The following SGSM3 variants were observed in gnomAD, a reference collection of about 807,000 sequenced individuals.
The protein encoded by SGSM3 is RUN and SH3 containing 3.
A neutral mutation model predicts 100.5 loss-of-function variants in SGSM3; 96 were observed. That is an observed-to-expected ratio of 0.96 (90% CI 0.81 to 1.13). SGSM3 has a LOEUF of 1.13. Ranked by LOEUF, SGSM3 falls within the 50% of genes most tolerant of loss-of-function variation. The pLI is 0.00. For missense variants in SGSM3, 1,001 were observed against 1,015.8 expected (o/e 0.99, Z 0.20); for synonymous variants, 483 against 422.8 (o/e 1.14, Z -1.75).
chr22:40,372,019 T>C (rs2146707935), intron 1 of SGSM3, among the ~76,000 whole-genome samples: 1 of 151,680 alleles, frequency 6.6e-6, no homozygotes, highest in African/African-American at 2.4e-5. Flanking sequence ...TGTAATTCTA[T>C]AGATATCTTT....
chr22:40,384,847 G>A (rs2048179538), intron 1 of SGSM3, among the ~76,000 whole-genome samples: 4 of 152,212 alleles, frequency 2.6e-5, no homozygotes, highest in Non-Finnish European at 4.4e-5. Flanking sequence ...CCAACAATAA[G>A]TTGGAAATAA....
At chr22:40,389,830 GGAGGCGGAAGTTGCAGT>G (rs1409896983) in intron 1 of SGSM3, among the ~76,000 whole-genome samples, 1 of 151,024 alleles carries the variant, frequency 6.6e-6, no homozygotes, top group Non-Finnish European at 1.5e-5. Context: ...CCTGAACCTG[GGAGGCGGAAGTTGCAGT>G]GAGCCAGGAT....
chr22:40,409,480 T>G lies in SGSM3; in HGVS notation c.2127T>G (p.Phe709Leu). The G allele has an allele frequency of 1.3e-6, 2 of 1,582,534 alleles. No homozygotes were observed. The highest frequency in any genetic ancestry group is 1.7e-6 in the Non-Finnish European group (2 of 1,164,458). The change falls in exon 21 of 22, where the codon TTT (phenylalanine) becomes TTG (leucine). Residue 709 changes from phenylalanine to leucine, a missense_variant. Phe to Leu is a conservative substitution (Grantham distance 22). Coordinates refer to ENST00000248929, the MANE Select transcript of SGSM3 (RefSeq NM_015705.6). Reference sequence around the variant, plus strand: ...TCACCTCTAGAGTCCTCTGCTGCTTTGCCTTCAGCCTCTCCCAGGACTGGG... The same window carrying G: ...TCACCTCTAGAGTCCTCTGCTGCTTGGCCTTCAGCCTCTCCCAGGACTGGG... ...IKCELRVLCC[F>L]AFSLSQDWEL...
At chr22:40,397,865 A>G (rs1286054349) in intron 1 of SGSM3, among the ~76,000 whole-genome samples, 1 of 151,980 alleles carries the variant, frequency 6.6e-6, no homozygotes, top group Non-Finnish European at 1.5e-5. Context: ...AACACTTGAT[A>G]TAAATCCCCT....
At chr22:40,392,164 ACAAT>A (rs777143170) in intron 1 of SGSM3, among the ~76,000 whole-genome samples, 6 of 152,162 alleles carry the variant, frequency 3.9e-5, no homozygotes, top group Admixed American at 6.5e-5. Context: ...CGCCTTAAAA[ACAAT>A]CAACCAAAAC....
At chr22:40,385,071 T>C (rs1466760095) in intron 1 of SGSM3, among the ~76,000 whole-genome samples, 2 of 152,204 alleles carry the variant, frequency 1.3e-5, no homozygotes, top group Non-Finnish European at 2.9e-5. Context: ...CAATATGGTC[T>C]GTGCCCTCAG....
Position 40,406,326 on chromosome 22 carries a change from T to C in SGSM3, c.960+103T>C, listed in dbSNP as rs892245014. The C allele has an allele frequency of 6.5e-6, 10 of 1,532,992 alleles. No individual in the cohort carries two copies. The East Asian group carries it at 2.1e-4, about 32-fold the overall frequency. The allele number at this position is 1,532,992 out of a possible 1,614,324, so 95.0% of individuals were successfully genotyped here. A position where few individuals can be genotyped will look rare whatever the true frequency, so the allele number is the denominator to read the frequency against. On this transcript the variant is annotated intron_variant, in intron 9 of 21. Transcript: ENST00000248929. ...CAGGCAAGACCAGCCCCCTGGCCCC[T>C]GACAACTGTGCCAAGGCAAACGGGT...
intron 1 of SGSM3, among the ~76,000 whole-genome samples, chr22:40,374,687 G>A (rs546690248): frequency 1.3e-5 from 2 of 152,308 alleles, no homozygotes; most frequent in Admixed American, 1.3e-4. Flanking sequence ...TTCAAGACTG[G>A]TCTGGGCAAC....
At chr22:40,405,602 T>C in intron 7 of SGSM3, 47 bp from the exon 8 acceptor site, 1 of 1,553,834 alleles carries the variant, frequency 6.4e-7, no homozygotes, top group South Asian at 1.2e-5. Context: ...TTTTCTAATC[T>C]GCACAAAGAC....
chr22:40,400,796 C>G lies in SGSM3; in HGVS notation c.-11C>G. On this transcript the variant is annotated 5_prime_UTR_variant, in exon 2 of 22. Transcript: ENST00000248929. Reference sequence around the variant, plus strand: ...TTGGAGCTGCAGAAGACTTGCCAGCCCACCAGCACAATGTCAGGTAGAGGC... The same window carrying G: ...TTGGAGCTGCAGAAGACTTGCCAGCGCACCAGCACAATGTCAGGTAGAGGC... The G allele has an allele frequency of 6.5e-7, 1 of 1,549,352 alleles. No individual in the cohort carries two copies.
chr22:40,394,390 A>G (rs1031658857), intron 1 of SGSM3, among the ~76,000 whole-genome samples: 8 of 152,168 alleles, frequency 5.3e-5, no homozygotes, highest in Admixed American at 6.5e-5. Context: ...GCTCACGCCT[A>G]TAATCCCAGC....
intron 1 of SGSM3, among the ~76,000 whole-genome samples, chr22:40,385,801 T>C (rs903427916): frequency 6.6e-5 from 10 of 152,190 alleles, no homozygotes; most frequent in Admixed American, 4.6e-4. Context: ...AGCATGTGGC[T>C]TGTTCCCTAA....
intron 10 of SGSM3, 81 bp downstream of exon 10, chr22:40,406,743 T>C: frequency 8.1e-7 from 1 of 1,228,584 alleles, no homozygotes; most frequent in Non-Finnish European, 1.2e-6. Flanking sequence ...GCGCGGGGGC[T>C]GCGGAAAACA....
chr22:40,407,277 C>T lies in SGSM3; in HGVS notation c.1317C>T (p.Ile439=), dbSNP rs760608157. The T allele has an allele frequency of 7.4e-6, 12 of 1,613,504 alleles. No homozygotes were observed. The East Asian group carries it at 1.3e-4, about 18-fold the overall frequency. Residue 439 remains isoleucine (I), a synonymous_variant, in exon 12 of 22, where the codon ATC becomes ATT. Transcript: ENST00000248929. This position sits in a 1 kb window ranked among gnomAD's most constrained non-coding sequence, Gnocchi z 4.7. ...TGGTGGCTGACCTCCGGGAAGCCATCCTGCGCGTGGCACGCCACTTCCAGT... is the reference window on the plus strand; with the variant it reads ...TGGTGGCTGACCTCCGGGAAGCCATTCTGCGCGTGGCACGCCACTTCCAGT... ...TELVADLREA[I]LRVARHFQCT... is the part of the protein sequence containing the mutation.
intron 1 of SGSM3, among the ~76,000 whole-genome samples, chr22:40,395,872 C>G (rs1250385423): frequency 6.6e-6 from 1 of 152,176 alleles, no homozygotes; most frequent in Non-Finnish European, 1.5e-5. Context: ...GCCTCATTCT[C>G]CGTAATCTTT....
chr22:40,396,340 C>T (rs2050037387), intron 1 of SGSM3, among the ~76,000 whole-genome samples: 1 of 151,868 alleles, frequency 6.6e-6, no homozygotes, highest in South Asian at 2.1e-4. Flanking sequence ...ACCTGTAATC[C>T]CAGCACTTTG....
rs781545790 is a variant in SGSM3, at chr22:40,408,789, C to A, written c.1854-5C>A. The A allele has an allele frequency of 6.2e-7, 1 of 1,613,804 alleles. No individual in the cohort carries two copies. Among genetic ancestry groups the A allele is most frequent in the African/African-American group, 1.3e-5 (1 of 75,030 alleles). On this transcript the variant is annotated splice_polypyrimidine_tract_variant and splice_region_variant and intron_variant, in intron 17 of 21. Coordinates refer to ENST00000248929, the MANE Select transcript of SGSM3 (RefSeq NM_015705.6). ...GGCACCCCAGGAGCTTTGGTGTCCC[C>A]TCAGGTTGGATGAAGATGGCAAAGT... is the stretch of plus-strand genomic sequence containing the variant.
chr22:40,407,297 TC>T lies in SGSM3; in HGVS notation c.1339del (p.Gln447SerfsTer12). The T allele has an allele frequency of 6.2e-7, 1 of 1,613,582 alleles. No individual in the cohort carries two copies. The highest frequency in any genetic ancestry group is 8.5e-7 in the Non-Finnish European group (1 of 1,180,026). Reference sequence around the variant, plus strand: ...GCCATCCTGCGCGTGGCACGCCACTTCCAGTGCACAGACCCCAAAAACTGCA... The same window carrying T: ...GCCATCCTGCGCGTGGCACGCCACTTCAGTGCACAGACCCCAAAAACTGCA... ...REAILRVARHFQCTDPKNCSV... is the reference protein window; with the variant it reads ...REAILRVARHXQCTDPKNCSV... On this transcript the variant is annotated frameshift_variant, in exon 12 of 22. Transcript: ENST00000248929. LOFTEE classifies it high-confidence loss of function. This position sits in a 1 kb window ranked among gnomAD's most constrained non-coding sequence, Gnocchi z 4.7.
intron 1 of SGSM3, chr22:40,376,154 G>A (rs913837441): frequency 8.3e-5 from 12 of 145,038 alleles, no homozygotes; most frequent in Non-Finnish European, 1.8e-4. Context: ...GTGACTTGAG[G>A]ATAGGGTTAA....
Sources: gnomAD v4.1 joint callset for allele counts (sites outside exome capture counted in the v4.1 genomes callset) on GRCh38, gnomAD v4.1.1 for gene constraint, Gnocchi (gnomAD v3.1) non-coding constraint, MANE v1.5 for transcripts, NCBI Gene and HGNC (gene_info 2026-07-23, HGNC 2026-07-21) for gene names.